The following ATRX variants were observed in gnomAD, a reference collection of about 807,000 sequenced individuals.
ATRX encodes the protein ATRX chromatin remodeler, also known as chromatin remodeler ATRX.
Under a neutral mutation model 172.6 loss-of-function variants are expected in ATRX, and 12 were observed. The ratio of observed to expected loss-of-function variants is 0.07; its 90% CI spans 0.04 to 0.11. The LOEUF (loss-of-function observed/expected upper bound fraction) is 0.11. ATRX is among the 10% of genes least tolerant of loss of function. The probability of loss-of-function intolerance (pLI) is 1.00; values close to 1 mark genes in which losing one functional copy is unlikely to be tolerated. For synonymous variants in ATRX, 674 were observed against 594.7 expected (o/e 1.13, Z -1.94); for missense variants, 1,368 against 1,767.4 (o/e 0.77, Z 4.05).
At chrX:77,627,592 G>A (rs1454510989) in intron 19 of ATRX, among the ~76,000 whole-genome samples, 6 of 108,249 alleles carry the variant, frequency 5.5e-5, no homozygotes, top group African/African-American at 1.3e-4. Context: ...TCAGGAGTTC[G>A]AGACCAGCTT....
At chrX:77,649,686 C>G (rs892684889) in intron 15 of ATRX, among the ~76,000 whole-genome samples, 2 of 111,641 alleles carry the variant, frequency 1.8e-5, no homozygotes, top group Non-Finnish European at 3.8e-5. Context: ...ATAAGTCTCA[C>G]AAGATCTATA....
At chrX:77,629,964 G>A (rs1229530575) in intron 19 of ATRX, among the ~76,000 whole-genome samples, 1 of 112,200 alleles carries the variant, frequency 8.9e-6, no homozygotes, top group African/African-American at 3.2e-5. Context: ...AATCGCGTGC[G>A]TGCGCGCGCA....
chrX:77,672,821 T>C (rs782318990), intron 10 of ATRX, among the ~76,000 whole-genome samples: 1 of 111,566 alleles, frequency 9.0e-6, no homozygotes, highest in South Asian at 3.7e-4. Context: ...CATGTAGAAA[T>C]CTCAGCTCTT....
chrX:77,626,833 T>C (rs1190432413), intron 19 of ATRX, among the ~76,000 whole-genome samples: 3 of 112,701 alleles, frequency 2.7e-5, no homozygotes, highest in African/African-American at 6.4e-5. Flanking sequence ...ATTACTTTTA[T>C]AATTTCTTTA....
At position 77,558,765 on chromosome X, in the gene ATRX, G is replaced by A. The variant is rs2147948760; in HGVS notation, c.6408C>T (p.Asp2136=). ...TGTCATAAGATGGATTCCAAGAAGC[G>A]TCGAATATAATTACTCGATTAGCAG... is the stretch of plus-strand genomic sequence containing the variant. ...LVAANRVIIF[D]ASWNPSYDIQ... Residue 2136 remains aspartate (D), a synonymous_variant, in exon 29 of 35, where the codon GAC becomes GAT. Transcript: ENST00000373344. The A allele has an allele frequency of 8.3e-7, 1 of 1,201,057 alleles. No homozygotes were observed. Among genetic ancestry groups the A allele is most frequent in the Non-Finnish European group, 1.1e-6 (1 of 886,072 alleles).
intron 19 of ATRX, among the ~76,000 whole-genome samples, chrX:77,626,964 G>A (rs1017981196): frequency 2.7e-5 from 3 of 112,030 alleles, no homozygotes; most frequent in African/African-American, 9.7e-5. Flanking sequence ...GGTGGCTCAC[G>A]CCTGTAATCC....
In ATRX at chrX:77,505,774, C is replaced by T. The variant is rs1474810883; in HGVS notation, c.*2577G>A. 1 of 171,727 alleles carries T rather than the reference C, an allele frequency of 5.8e-6. No individual in the cohort carries two copies. Among genetic ancestry groups the T allele is most frequent in the South Asian group, 3.1e-4 (1 of 3,236 alleles). 14.2% of individuals were successfully genotyped at this position (171,727 alleles called of 1,213,427 possible). A position where few individuals can be genotyped will look rare whatever the true frequency, so the allele number is the denominator to read the frequency against. On this transcript the variant is annotated 3_prime_UTR_variant, in exon 35 of 35. Coordinates refer to ENST00000373344, the MANE Select transcript of ATRX (RefSeq NM_000489.6). ...TTTAAGTTTCAACTACTAAACAGCACTTTGAATGGTGAAAACACAGATAGT... is the reference window on the plus strand; with the variant it reads ...TTTAAGTTTCAACTACTAAACAGCATTTTGAATGGTGAAAACACAGATAGT...
intron 2 of ATRX, among the ~76,000 whole-genome samples, chrX:77,701,934 C>T (rs1180616435): frequency 9.2e-6 from 1 of 109,156 alleles, no homozygotes; most frequent in Non-Finnish European, 1.9e-5. Flanking sequence ...GGTGTGGTGG[C>T]GCATCCCTGT....
chrX:77,760,476 G>C (rs1194506099), intron 1 of ATRX, among the ~76,000 whole-genome samples: 1 of 73,795 alleles, frequency 1.4e-5, no homozygotes, highest in Non-Finnish European at 2.6e-5. Flanking sequence ...GGTGGGGGGA[G>C]GGGGGAGGGG....
intron 34 of ATRX, among the ~76,000 whole-genome samples, chrX:77,520,121 T>A (rs932365380): frequency 1.8e-5 from 2 of 111,659 alleles, no homozygotes; most frequent in African/African-American, 6.5e-5. Context: ...ATTGAACTCA[T>A]GATGATAAGA....
At chrX:77,638,676 AACT>A (rs781950369) in intron 15 of ATRX, among the ~76,000 whole-genome samples, 9 of 112,765 alleles carry the variant, frequency 8.0e-5, no homozygotes, top group African/African-American at 2.9e-4. Flanking sequence ...ACATCCAAAA[AACT>A]ACAAATAAGT....
chrX:77,556,492 T>C (rs1244556700), intron 30 of ATRX, among the ~76,000 whole-genome samples: 1 of 109,474 alleles, frequency 9.1e-6, no homozygotes, highest in East Asian at 2.9e-4. Context: ...TTACTGGTCA[T>C]GTACCCTTGT....
intron 2 of ATRX, among the ~76,000 whole-genome samples, chrX:77,716,346 A>ATATG (rs2073424734): frequency 1.1e-5 from 1 of 92,359 alleles, no homozygotes; most frequent in African/African-American, 3.9e-5. Context: ...ATATATATAT[A>ATATG]TATCTTTTTA....
chrX:77,786,011 T>C lies in ATRX; in HGVS notation c.-10A>G, dbSNP rs1557207662. ...TGGGCTCAGCGGTCATGTTTTCGCT[T>C]GAACGCCTTGTCGGCTTCTGTGATT... On this transcript the variant is annotated 5_prime_UTR_variant, in exon 1 of 35. Coordinates refer to ENST00000373344, the MANE Select transcript of ATRX (RefSeq NM_000489.6). The C allele has an allele frequency of 8.4e-7, 1 of 1,192,671 alleles. No homozygotes were observed.
At chrX:77,660,366 C>T (rs1052576865) in intron 12 of ATRX, among the ~76,000 whole-genome samples, 3 of 110,214 alleles carry the variant, frequency 2.7e-5, no homozygotes, top group Non-Finnish European at 1.9e-5. Flanking sequence ...GAGATCGAGA[C>T]CATCCTGGCT....
At chrX:77,704,334 C>T (rs962615753) in intron 2 of ATRX, among the ~76,000 whole-genome samples, 1 of 112,029 alleles carries the variant, frequency 8.9e-6, no homozygotes, top group African/African-American at 3.2e-5. Context: ...ATCCTGACAT[C>T]TGTTCAGCTC....
chrX:77,635,745 T>G (rs1426471336), intron 16 of ATRX, among the ~76,000 whole-genome samples, 170 bp downstream of exon 16: 1 of 111,896 alleles, frequency 8.9e-6, no homozygotes, highest in African/African-American at 3.3e-5. Flanking sequence ...CACCCAATTT[T>G]GTTCTTCCTC....
intron 1 of ATRX, among the ~76,000 whole-genome samples, chrX:77,784,764 ACATACGTAT>A (rs1170793570): frequency 8.9e-6 from 1 of 112,087 alleles, no homozygotes; most frequent in Non-Finnish European, 1.9e-5. Context: ...AGAAATACAG[ACATACGTAT>A]CATAGGCTCA....
chrX:77,683,707 T>G lies in ATRX; in HGVS notation c.1549A>C (p.Ile517Leu). The G allele has an allele frequency of 8.3e-7, 1 of 1,211,232 alleles. No individual in the cohort carries two copies. Among genetic ancestry groups the G allele is most frequent in the Non-Finnish European group, 1.1e-6 (1 of 895,142 alleles). ...ANTSEDLDMD[I>L]VSVPSSVPED... ...GGAACTGAGGAAGGAACAGACACAA[T>G]ATCCATGTCTAAATCTTCAGAAGTG... Residue 517 changes from isoleucine (I) to leucine (L), a missense_variant, in exon 9 of 35, where the codon ATT (isoleucine) becomes CTT (leucine). Physicochemically the swap from Ile to Leu is conservative, Grantham distance 5 (BLOSUM62 2). This residue lies in a region of ATRX where 843 missense variants were observed against 643.1 expected (regional missense o/e 1.31). Transcript: ENST00000373344.
Sources: allele counts gnomAD v4.1 joint callset (sites outside exome capture counted in the v4.1 genomes callset), GRCh38; gene constraint gnomAD v4.1.1; regional missense constraint gnomAD v4.1.1; transcripts MANE v1.5; gene names NCBI Gene and HGNC (gene_info 2026-07-23, HGNC 2026-07-21).